LRRC7: variants seen among roughly 807,000 people sequenced by gnomAD.
LRRC7 encodes the protein leucine rich repeat containing 7.
Under a neutral mutation model 175.7 loss-of-function variants are expected in LRRC7, and 23 were observed. The ratio of observed to expected loss-of-function variants is 0.13; its 90% confidence interval spans 0.09 to 0.19. LRRC7 has a LOEUF of 0.19. Among genes scored for constraint, LRRC7 ranks in the 10% least tolerant of loss-of-function variants. LRRC7 has a pLI of 1.00. For synonymous variants in LRRC7, 685 were observed against 680.9 expected, an observed-to-expected ratio of 1.01 and a Z score of -0.09; for missense variants, 1,354 against 1,904.7, an observed-to-expected ratio of 0.71 and a Z score of 5.38.
chr1:69,580,903 G>A (rs1463405797), intron 1 of LRRC7, among the ~76,000 whole-genome samples: 1 of 152,194 alleles, frequency 6.6e-6, no homozygotes, highest in Admixed American at 6.5e-5. Context: ...TAGCATCTTT[G>A]ATGAACTGCT....
At chr1:69,605,089 G>A (rs1036359092) in intron 1 of LRRC7, among the ~76,000 whole-genome samples, 2 of 152,128 alleles carry the variant, frequency 1.3e-5, no homozygotes, top group South Asian at 4.1e-4. Context: ...TTGAATTGTA[G>A]CTCCCATAAT....
chr1:69,927,320 C>T (rs751540738), intron 7 of LRRC7, among the ~76,000 whole-genome samples: 73 of 152,054 alleles, frequency 4.8e-4, no homozygotes, highest in Non-Finnish European at 7.2e-4. Context: ...ATCTTTGTGG[C>T]GTTCTCTGTA....
At chr1:69,826,980 G>A (rs772196756) in intron 5 of LRRC7, among the ~76,000 whole-genome samples, 3 of 152,020 alleles carry the variant, frequency 2.0e-5, no homozygotes, top group Non-Finnish European at 2.9e-5. Flanking sequence ...TGAATGGTTT[G>A]TGAAATAATC....
chr1:70,010,926 A>G (rs75009863), intron 11 of LRRC7, among the ~76,000 whole-genome samples: 2,691 of 152,310 alleles, frequency 0.018, 79 homozygotes, highest in African/African-American at 0.062. Context: ...CTGGAGGCAC[A>G]CTGAAGAATT....
In LRRC7 at chr1:70,142,249, T is replaced by A. The variant is rs1667090578; in HGVS notation, c.*20362T>A. On this transcript the variant is annotated 3_prime_UTR_variant, in exon 27 of 27. Coordinates refer to ENST00000651989, the MANE Select transcript of LRRC7 (RefSeq NM_001370785.2). ...GCTTGAATGTGGAAAAGGCATCTGG[T>A]TCAGGTCAGTAAGGACTGTTGTATG... 6.6e-6 allele frequency: 1 copy of A among 152,170 alleles called. No individual in the cohort carries two copies. The highest frequency in any genetic ancestry group is 1.5e-5 in the Non-Finnish European group (1 of 67,996). The allele number at this position is 152,170 out of a possible 1,614,324, so 9.4% of individuals were successfully genotyped here. A position where few individuals can be genotyped will look rare whatever the true frequency, so the allele number is the denominator to read the frequency against.
intron 8 of LRRC7, among the ~76,000 whole-genome samples, chr1:69,937,073 G>A (rs1319717561): frequency 6.6e-6 from 1 of 151,938 alleles, no homozygotes; most frequent in African/African-American, 2.4e-5. Flanking sequence ...TTAATAAAAT[G>A]AATAATTTGT....
At chr1:69,899,681 C>T (rs1646079262) in intron 7 of LRRC7, among the ~76,000 whole-genome samples, 1 of 152,194 alleles carries the variant, frequency 6.6e-6, no homozygotes, top group Non-Finnish European at 1.5e-5. Flanking sequence ...CTCCAAAATT[C>T]AGGTGTTGCC....
chr1:69,925,310 C>T (rs1481024854), intron 7 of LRRC7, among the ~76,000 whole-genome samples: 1 of 152,094 alleles, frequency 6.6e-6, no homozygotes, highest in East Asian at 1.9e-4. Context: ...TGATGCTGAC[C>T]TCATAAAATG....
intron 7 of LRRC7, among the ~76,000 whole-genome samples, chr1:69,927,574 A>T (rs1395339804): frequency 6.6e-6 from 1 of 151,976 alleles, no homozygotes; most frequent in African/African-American, 2.4e-5. Flanking sequence ...TCCATCACTG[A>T]TACCCTTTCT....
chr1:69,846,366 TA>T (rs1257584671), intron 7 of LRRC7, among the ~76,000 whole-genome samples: 1 of 152,110 alleles, frequency 6.6e-6, no homozygotes, highest in Non-Finnish European at 1.5e-5. Flanking sequence ...AAAAACCAAG[TA>T]ACACCATTGT....
At chr1:69,751,659 G>A (rs577644421) in intron 2 of LRRC7, among the ~76,000 whole-genome samples, 25 of 152,068 alleles carry the variant, frequency 1.6e-4, no homozygotes, top group Non-Finnish European at 2.2e-4. Flanking sequence ...TCATTAAGCC[G>A]TTAGAGGCAA....
In LRRC7 at chr1:70,076,312, C is replaced by T; in HGVS notation, c.4452+14C>T. ...TATCCAGAGCAGGTGAGAAGTGTTT[C>T]TTTATTACTGAAAAATCTTCAGGTA... is the stretch of plus-strand genomic sequence containing the variant. On this transcript the variant is annotated intron_variant, in intron 24 of 26. Coordinates refer to ENST00000651989, the MANE Select transcript of LRRC7 (RefSeq NM_001370785.2). The T allele has an allele frequency of 1.2e-6, 2 of 1,610,076 alleles. No homozygotes were observed. The highest frequency in any genetic ancestry group is 1.7e-6 in the Non-Finnish European group (2 of 1,176,932).
intron 4 of LRRC7, among the ~76,000 whole-genome samples, chr1:69,801,816 CCTTT>C (rs1334855566): frequency 6.7e-6 from 1 of 148,174 alleles, no homozygotes; most frequent in Non-Finnish European, 1.5e-5. Flanking sequence ...TAGTCTGTGA[CCTTT>C]CTATTTTTTT....
chr1:69,687,142 G>C (rs1417064276), intron 2 of LRRC7, among the ~76,000 whole-genome samples: 1 of 151,792 alleles, frequency 6.6e-6, no homozygotes, highest in East Asian at 1.9e-4. Context: ...CTTTTATTTA[G>C]CCCAACTTAG....
At chr1:69,908,351 T>C (rs1439018544) in intron 7 of LRRC7, among the ~76,000 whole-genome samples, 1 of 152,022 alleles carries the variant, frequency 6.6e-6, no homozygotes, top group Non-Finnish European at 1.5e-5. Flanking sequence ...TTAATTGTGA[T>C]GTTAGGGTGT....
intron 1 of LRRC7, among the ~76,000 whole-genome samples, chr1:69,600,322 C>T (rs554945441): frequency 3.9e-5 from 6 of 152,226 alleles, no homozygotes; most frequent in South Asian, 2.1e-4. Flanking sequence ...CCAGGATATC[C>T]GGGATACCAC....
chr1:70,005,745 G>A (rs1482668335), intron 11 of LRRC7, among the ~76,000 whole-genome samples: 9 of 152,064 alleles, frequency 5.9e-5, no homozygotes, highest in African/African-American at 2.2e-4. Flanking sequence ...GCAACTTATT[G>A]TGTGGCCCCT....
chr1:69,682,550 T>A (rs536634846), intron 2 of LRRC7, among the ~76,000 whole-genome samples: 1 of 152,268 alleles, frequency 6.6e-6, no homozygotes, highest in Non-Finnish European at 1.5e-5. Context: ...AATATTACTA[T>A]CCCTCCAAAC....
In LRRC7 at chr1:70,058,667, G is replaced by A. The variant is rs1385050408; in HGVS notation, c.4230+5522G>A. Among the ~76,000 whole-genome samples, 7 of 152,274 alleles carry A rather than the reference G, an allele frequency of 4.6e-5. No individual in the cohort carries two copies. The South Asian group carries it at 6.2e-4, about 14-fold the overall frequency. On this transcript the variant is annotated intron_variant, in intron 23 of 26. Transcript: ENST00000651989. ...CTTTCACAGCAACTATATGAAGTAA[G>A]CACTATTATTTTGTTAAAGAAGAAA...
Sources: gnomAD v4.1 joint callset for allele counts (sites outside exome capture counted in the v4.1 genomes callset) on GRCh38, gnomAD v4.1.1 for gene constraint, MANE v1.5 for transcripts, NCBI Gene and HGNC (gene_info 2026-07-23, HGNC 2026-07-21) for gene names.